The following CEP97 variants were observed in gnomAD, a reference collection of about 807,000 sequenced individuals.
CEP97 encodes the protein centrosomal protein of 97 kDa.
In CEP97, 43 loss-of-function variants were observed where a neutral mutation model predicts 73.1. The ratio of observed to expected loss-of-function variants is 0.59; its 90% CI spans 0.46 to 0.76. The LOEUF is 0.76. CEP97 is among the 30% of genes least tolerant of loss of function. The pLI is 0.00. For missense variants in CEP97, 939 were observed against 1,014.0 expected (o/e 0.93, Z 1.00); for synonymous variants, 337 against 370.0 (o/e 0.91, Z 1.02).
intron 6 of CEP97, among the ~76,000 whole-genome samples, chr3:101,736,792 C>T (rs1298434600): frequency 2.6e-5 from 4 of 152,158 alleles, no homozygotes; most frequent in Non-Finnish European, 4.4e-5. Context: ...CTTCTTCTCC[C>T]GCAAAGGATC....
chr3:101,730,910 TC>T (rs1462235779), intron 4 of CEP97, among the ~76,000 whole-genome samples: 1 of 152,066 alleles, frequency 6.6e-6, no homozygotes. Flanking sequence ...CCAGATGTTG[TC>T]CTAATAGATG....
intron 1 of CEP97, 66 bp downstream of exon 1, chr3:101,724,785 A>G (rs968769796): frequency 3.3e-6 from 5 of 1,537,370 alleles, no homozygotes; most frequent in Non-Finnish European, 4.5e-6. Context: ...AGTGGAGAGC[A>G]GAAAACCTAG....
chr3:101,746,024 T>C (rs866928275), intron 6 of CEP97, among the ~76,000 whole-genome samples: 23 of 152,284 alleles, frequency 1.5e-4, no homozygotes, highest in Admixed American at 3.9e-4. Context: ...TTTGTTCTTG[T>C]GATAGTTTAC....
chr3:101,763,255 G>A, intron 10 of CEP97: 1 of 1,161,124 alleles, frequency 8.6e-7, no homozygotes, highest in Non-Finnish European at 1.1e-6. Context: ...AATAATTATT[G>A]ATTTGTAAAG....
chr3:101,729,001 A>G (rs1251602941), intron 4 of CEP97, 64 bp downstream of exon 4: 1 of 940,840 alleles, frequency 1.1e-6, no homozygotes, highest in Non-Finnish European at 1.7e-6. Flanking sequence ...AAGTAATCTT[A>G]CTGACCTAAA....
At chr3:101,764,036 G>T (rs557454328) in intron 10 of CEP97, among the ~76,000 whole-genome samples, 2 of 152,148 alleles carry the variant, frequency 1.3e-5, no homozygotes, top group Admixed American at 1.3e-4. Flanking sequence ...TGTTACCAGG[G>T]ACATGTACCA....
chr3:101,735,861 T>C (rs1159865860), intron 6 of CEP97, among the ~76,000 whole-genome samples: 2 of 152,012 alleles, frequency 1.3e-5, no homozygotes, highest in Non-Finnish European at 2.9e-5. Flanking sequence ...TTCACTCCTC[T>C]GGAAAGGGGG....
chr3:101,737,597 A>G (rs1402936475), intron 6 of CEP97, among the ~76,000 whole-genome samples: 3 of 152,234 alleles, frequency 2.0e-5, no homozygotes, highest in East Asian at 1.9e-4. Context: ...ACTAAGCTTC[A>G]TAAGTGAAGG....
intron 6 of CEP97, among the ~76,000 whole-genome samples, chr3:101,742,454 T>C (rs911198990): frequency 5.3e-5 from 8 of 151,084 alleles, no homozygotes; most frequent in Non-Finnish European, 1.2e-4. Flanking sequence ...TGGATGAAGC[T>C]GGAAACCATC....
At chr3:101,752,012 A>T (rs1042227050) in intron 6 of CEP97, among the ~76,000 whole-genome samples, 3 of 152,020 alleles carry the variant, frequency 2.0e-5, no homozygotes, top group African/African-American at 7.3e-5. Context: ...ATTTGGCATG[A>T]TTTTGCAGTG....
At chr3:101,754,758 AAGTC>A (rs1938956440) in intron 6 of CEP97, among the ~76,000 whole-genome samples, 1 of 152,088 alleles carries the variant, frequency 6.6e-6, no homozygotes, top group African/African-American at 2.4e-5. Context: ...GTAGTTGAAG[AAGTC>A]AGAGTATTTG....
rs774632782 is a variant in CEP97, at chr3:101,758,100, C to T, written c.1494C>T (p.Asn498=). Residue 498 remains asparagine (N), a synonymous_variant, in exon 9 of 11, where the codon AAC becomes AAT. Coordinates refer to ENST00000341893, the MANE Select transcript of CEP97 (RefSeq NM_024548.4). The part of the protein sequence containing the change: ...TIISAILKDD[N]HSLTFFPEST... ...TCAGTGCTATCTTGAAGGATGATAA[C>T]CACAGTCTTACATTTTTTCCTGAGT... is the stretch of plus-strand genomic sequence containing the variant. 1.2e-6 allele frequency: 2 copies of T among 1,614,168 alleles called. No homozygotes were observed. The highest frequency in any genetic ancestry group is 1.7e-5 in the Admixed American group (1 of 60,020).
chr3:101,735,066 T>C (rs775151593), intron 6 of CEP97, among the ~76,000 whole-genome samples: 1 of 152,180 alleles, frequency 6.6e-6, no homozygotes, highest in African/African-American at 2.4e-5. Context: ...GTATAGAACA[T>C]AGGACTGGTC....
At chr3:101,726,999 G>A (rs1400615295) in intron 2 of CEP97, among the ~76,000 whole-genome samples, 1 of 152,124 alleles carries the variant, frequency 6.6e-6, no homozygotes, top group Non-Finnish European at 1.5e-5. Context: ...CCTCATGATG[G>A]GGGTAAAGAG....
rs897905729 is a variant in CEP97 at position 101,727,698 on chromosome 3, A to G, written c.345+157A>G. On this transcript the variant is annotated intron_variant, in intron 3 of 10. Coordinates refer to ENST00000341893, the MANE Select transcript of CEP97 (RefSeq NM_024548.4). ...AAAAATAAATCTCATTTTGAAACAT[A>G]TAATATGACATAATATTCTTTTAAA... Among the ~76,000 whole-genome samples, 16 of 152,326 alleles carry G rather than the reference A, an allele frequency of 1.1e-4. No individual in the cohort carries two copies. The South Asian group carries it at 1.7e-3, about 16-fold the overall frequency.
chr3:101,728,270 T>G (rs577044898), intron 3 of CEP97, among the ~76,000 whole-genome samples: 1 of 151,610 alleles, frequency 6.6e-6, no homozygotes, highest in Non-Finnish European at 1.5e-5. Flanking sequence ...TTGTTTTTTT[T>G]TTTTTTTTGA....
At chr3:101,728,260 TTG>T (rs1937963909) in intron 3 of CEP97, among the ~76,000 whole-genome samples, 1 of 132,248 alleles carries the variant, frequency 7.6e-6, no homozygotes, top group East Asian at 2.1e-4. Context: ...ATGGTTTCTT[TTG>T]TTTTTTTTTT....
At chr3:101,751,014 A>G (rs1938795570) in intron 6 of CEP97, among the ~76,000 whole-genome samples, 1 of 151,978 alleles carries the variant, frequency 6.6e-6, no homozygotes. Context: ...TAGGGTGTCA[A>G]TTTTGGATCT....
At position 101,732,490 on chromosome 3, in the gene CEP97, C is replaced by A. The variant is rs1453225362; in HGVS notation, c.564C>A (p.Ile188=). Reference sequence around the variant, plus strand: ...AACAAAGATATCTTTTGTTCCAGATCTCTTTTTTGGCATCCTTAACTGAAT... The same window carrying A: ...AACAAAGATATCTTTTGTTCCAGATATCTTTTTTGGCATCCTTAACTGAAT... ...AENEIRDLNE[I]SFLASLTELE... is the part of the protein sequence containing the mutation. The change falls in exon 6 of 11, where the codon ATC becomes ATA. Residue 188 remains isoleucine, a splice_region_variant and synonymous_variant. Coordinates refer to ENST00000341893, the MANE Select transcript of CEP97 (RefSeq NM_024548.4). 6 of 1,598,640 alleles carry A rather than the reference C, an allele frequency of 3.8e-6. No homozygotes were observed. The Admixed American group carries it at 1.0e-4, about 27-fold the overall frequency.
Sources: gnomAD v4.1 joint callset for allele counts (sites outside exome capture counted in the v4.1 genomes callset) on GRCh38, gnomAD v4.1.1 for gene constraint, MANE v1.5 for transcripts, NCBI Gene and HGNC (gene_info 2026-07-23, HGNC 2026-07-21) for gene names.